FARS2: variants seen among roughly 807,000 people sequenced by gnomAD.
The protein encoded by FARS2 is phenylalanine--tRNA ligase, mitochondrial.
A neutral mutation model predicts 46.4 loss-of-function variants in FARS2; 40 were observed. The ratio of observed to expected loss-of-function variants is 0.86; its 90% CI spans 0.67 to 1.12. The LOEUF (loss-of-function observed/expected upper bound fraction) is 1.12, where lower values mean the gene tolerates loss of function less well. FARS2 is among the 50% of genes most tolerant of loss of function. The pLI, the probability that FARS2 is intolerant of heterozygous loss-of-function variation, is 0.00. For synonymous variants in FARS2, 234 were observed against 214.9 expected (o/e 1.09, Z -0.78); for missense variants, 513 against 567.9 (o/e 0.90, Z 0.98).
At chr6:5,376,932 G>C (rs75503546) in intron 2 of FARS2, among the ~76,000 whole-genome samples, 2 of 152,300 alleles carry the variant, frequency 1.3e-5, no homozygotes, top group African/African-American at 4.8e-5. Context: ...GATTATTTAT[G>C]ATGTGGAAGG....
At chr6:5,632,403 A>G (rs1462501508) in intron 6 of FARS2, among the ~76,000 whole-genome samples, 2 of 151,930 alleles carry the variant, frequency 1.3e-5, no homozygotes, top group African/African-American at 2.4e-5. Context: ...TTTTTTTTAA[A>G]TGAGATGAAA....
At chr6:5,420,040 A>G (rs1034846948) in intron 3 of FARS2, among the ~76,000 whole-genome samples, 3 of 152,218 alleles carry the variant, frequency 2.0e-5, no homozygotes, top group African/African-American at 7.2e-5. Context: ...GGGAGGCCTT[A>G]CAATCGTGGC....
chr6:5,324,858 T>A (rs1463956244), intron 1 of FARS2, among the ~76,000 whole-genome samples: 1 of 151,968 alleles, frequency 6.6e-6, no homozygotes, highest in East Asian at 1.9e-4. Flanking sequence ...CACATGGCTG[T>A]CCACCAAGAA....
chr6:5,669,750 C>T (rs929532110), intron 6 of FARS2, among the ~76,000 whole-genome samples: 3 of 152,274 alleles, frequency 2.0e-5, no homozygotes, highest in Admixed American at 1.3e-4. Flanking sequence ...GAGAGTGAAG[C>T]GGAGTGGCTG....
At chr6:5,669,568 C>T (rs1358341503) in intron 6 of FARS2, among the ~76,000 whole-genome samples, 2 of 152,104 alleles carry the variant, frequency 1.3e-5, no homozygotes, top group Admixed American at 6.5e-5. Flanking sequence ...TTGCTCTTTT[C>T]CCTGATCTCA....
At chr6:5,453,362 G>T (rs1399476465) in intron 4 of FARS2, among the ~76,000 whole-genome samples, 1 of 152,176 alleles carries the variant, frequency 6.6e-6, no homozygotes, top group Non-Finnish European at 1.5e-5. Flanking sequence ...CTGCCTAGTG[G>T]TAAAAGGAAG....
At chr6:5,731,722 G>A (rs917230226) in intron 6 of FARS2, among the ~76,000 whole-genome samples, 2 of 152,124 alleles carry the variant, frequency 1.3e-5, no homozygotes, top group Non-Finnish European at 2.9e-5. Context: ...TTTGGGACAC[G>A]CTGTTTGATC....
intron 4 of FARS2, among the ~76,000 whole-genome samples, chr6:5,489,526 C>T (rs1257965913): frequency 1.3e-5 from 2 of 152,202 alleles, no homozygotes; most frequent in East Asian, 3.9e-4. Flanking sequence ...TCAATGTTAT[C>T]ATGACATTTG....
intron 6 of FARS2, among the ~76,000 whole-genome samples, chr6:5,683,168 G>A (rs1779119079): frequency 6.6e-6 from 1 of 152,178 alleles, no homozygotes; most frequent in Admixed American, 6.5e-5. Context: ...AGAGAAGAGG[G>A]TAGCAGAGGG....
intron 4 of FARS2, among the ~76,000 whole-genome samples, chr6:5,517,380 G>A (rs958146984): frequency 6.6e-6 from 1 of 152,162 alleles, no homozygotes; most frequent in Non-Finnish European, 1.5e-5. Flanking sequence ...GGGAGGCCGA[G>A]GCAGGCAGAT....
intron 6 of FARS2, among the ~76,000 whole-genome samples, chr6:5,739,778 T>C (rs1349786833): frequency 6.6e-6 from 1 of 152,158 alleles, no homozygotes; most frequent in African/African-American, 2.4e-5. Context: ...GGCAGGATGG[T>C]GCCTAGTGCC....
intron 4 of FARS2, among the ~76,000 whole-genome samples, chr6:5,456,662 C>G (rs893278113): frequency 2.3e-4 from 29 of 128,190 alleles, no homozygotes; most frequent in Admixed American, 6.0e-4. Context: ...ACCTGGGAGG[C>G]GGAGGTTGCA....
At chr6:5,479,012 A>T (rs193148051) in intron 4 of FARS2, among the ~76,000 whole-genome samples, 24 of 152,372 alleles carry the variant, frequency 1.6e-4, no homozygotes, top group Admixed American at 4.6e-4. Flanking sequence ...TTATTTTAGT[A>T]TGTAAAAGCA....
At chr6:5,444,537 T>G (rs1764065874) in intron 4 of FARS2, among the ~76,000 whole-genome samples, 1 of 148,748 alleles carries the variant, frequency 6.7e-6, no homozygotes, top group Non-Finnish European at 1.5e-5. Context: ...GTGCCAGGTG[T>G]CTGAATTTAA....
intron 1 of FARS2, among the ~76,000 whole-genome samples, chr6:5,300,679 C>CT (rs1315196274): frequency 2.0e-5 from 3 of 150,560 alleles, no homozygotes; most frequent in Non-Finnish European, 3.0e-5. Context: ...TTCTTTCTTT[C>CT]TTTTTTTTTG....
At chr6:5,504,561 T>C (rs1480700297) in intron 4 of FARS2, among the ~76,000 whole-genome samples, 1 of 152,084 alleles carries the variant, frequency 6.6e-6, no homozygotes, top group African/African-American at 2.4e-5. Context: ...GAAACATCCA[T>C]TGAAGACGTC....
At chr6:5,321,158 G>C (rs527340436) in intron 1 of FARS2, among the ~76,000 whole-genome samples, 28 of 152,216 alleles carry the variant, frequency 1.8e-4, no homozygotes, top group African/African-American at 6.7e-4. Context: ...TTTGTTCTTG[G>C]GTCACTTGTA....
intron 6 of FARS2, among the ~76,000 whole-genome samples, chr6:5,694,227 G>A (rs1757955675): frequency 6.6e-6 from 1 of 152,226 alleles, no homozygotes; most frequent in Non-Finnish European, 1.5e-5. Flanking sequence ...GCTAAGGTCA[G>A]TGTATGCTAG....
chr6:5,755,319 G>A (rs1360848251), intron 6 of FARS2, among the ~76,000 whole-genome samples: 1 of 152,064 alleles, frequency 6.6e-6, no homozygotes, highest in African/African-American at 2.4e-5. Flanking sequence ...AGGTATTTCT[G>A]CTAATGCTAT....
Sources: gnomAD v4.1 joint callset for allele counts (sites outside exome capture counted in the v4.1 genomes callset) on GRCh38, gnomAD v4.1.1 for gene constraint, MANE v1.5 for transcripts, NCBI Gene and HGNC (gene_info 2026-07-23, HGNC 2026-07-21) for gene names.